The following HIRIP3 variants were observed in gnomAD, a reference collection of about 807,000 sequenced individuals.
HIRIP3 encodes the protein HIRA-interacting protein 3.
Under a neutral mutation model 50.3 loss-of-function variants are expected in HIRIP3, and 40 were observed. The ratio of observed to expected loss-of-function variants is 0.79; its 90% CI spans 0.62 to 1.03. The LOEUF is 1.03. HIRIP3 is among the 50% of genes least tolerant of loss of function. The pLI is 0.00. For missense variants in HIRIP3, 765 were observed against 705.4 expected, an observed-to-expected ratio of 1.08 and a Z score of -0.96; for synonymous variants, 318 against 261.6, an observed-to-expected ratio of 1.22 and a Z score of -2.08.
Position 29,994,860 on chromosome 16 carries a change from A to C in HIRIP3, c.302-17T>G. 1 of 1,584,934 alleles carries C rather than the reference A, an allele frequency of 6.3e-7. No individual in the cohort carries two copies. Among genetic ancestry groups the C allele is most frequent in the Non-Finnish European group, 8.6e-7 (1 of 1,166,104 alleles). On this transcript the variant is annotated splice_polypyrimidine_tract_variant and intron_variant, in intron 3 of 6. Coordinates refer to ENST00000279392, the MANE Select transcript of HIRIP3 (RefSeq NM_003609.5). ...AGCCGGACTCTGGAATATGGAGAGG[A>C]GAGAGGGTTGAGACAGGCTCCTCCT...
chr16:29,993,271 C>T lies in HIRIP3; in HGVS notation c.1607G>A (p.Arg536His), dbSNP rs753509320. The T allele has an allele frequency of 9.0e-6, 14 of 1,553,842 alleles. No homozygotes were observed. The highest frequency in any genetic ancestry group is 2.8e-5 in the African/African-American group (2 of 72,716). Residue 536 changes from arginine to histidine, a missense_variant, in exon 7 of 7, where the codon CGT becomes CAT. Physicochemically the swap from Arg to His is conservative, Grantham distance 29. Coordinates refer to ENST00000279392, the MANE Select transcript of HIRIP3 (RefSeq NM_003609.5). ...ATGTGACCAGTCTGGGGGTGCGGGACGGGGCCGCTCTTCATCTGAGTCCAG... is the reference window on the plus strand; with the variant it reads ...ATGTGACCAGTCTGGGGGTGCGGGATGGGGCCGCTCTTCATCTGAGTCCAG... ...RTLDSDEERPRPAPPDWSHMR... is the reference protein window; with the variant it reads ...RTLDSDEERPHPAPPDWSHMR...
chr16:29,995,992 T>A, upstream of HIRIP3: 1 of 565,842 alleles, frequency 1.8e-6, no homozygotes, highest in Non-Finnish European at 3.2e-6. Context: ...ATGAGGAACC[T>A]CGGGGATAAA....
rs150030843 is a variant in HIRIP3 at position 29,993,498 on chromosome 16, C to T, written c.1468G>A (p.Val490Met). The change falls in exon 6 of 7, where the codon GTG becomes ATG. Residue 490 changes from valine (V) to methionine (M), a missense_variant. Coordinates refer to ENST00000279392, the MANE Select transcript of HIRIP3 (RefSeq NM_003609.5). ...ATGTTCGCAACATCCAAGGAGGCCA[C>T]CTCAGCTGCCTCCTCCCTCTGCTCC... ...LKEQREEAAE[V>M]ASLDVANIIS... The T allele has an allele frequency of 2.8e-3, 4,497 of 1,613,906 alleles. 30 individuals are homozygous for T. Among genetic ancestry groups the T allele is most frequent in the South Asian group, 8.9e-3 (814 of 91,078 alleles).
rs1426949032 is a variant in HIRIP3, at chr16:29,992,805, A to C, written c.*402T>G. ...AGGGGCCACGGGGTAGGCGGGCAGC[A>C]CAGGAGCCACACACCCTTCTCCAAA... On this transcript the variant is annotated 3_prime_UTR_variant, in exon 7 of 7. Transcript: ENST00000279392. The C allele has an allele frequency of 6.1e-6, 1 of 164,862 alleles. No homozygotes were observed. Among genetic ancestry groups the C allele is most frequent in the Non-Finnish European group, 1.3e-5 (1 of 76,748 alleles). The allele number at this position is 164,862 out of a possible 1,614,324, so 10.2% of individuals were successfully genotyped here. A position where few individuals can be genotyped will look rare whatever the true frequency, so the allele number is the denominator to read the frequency against.
At chr16:29,996,032 A>G, upstream of HIRIP3, 2 of 586,746 alleles carry the variant, frequency 3.4e-6, no homozygotes, top group Non-Finnish European at 6.1e-6. Flanking sequence ...GTCTAAGTAC[A>G]TTAGAGTCAG....
At chr16:29,993,880 G>GGCC (rs780049768) in intron 4 of HIRIP3, 26 bp downstream of exon 4, 303 of 1,594,036 alleles carry the variant, frequency 1.9e-4, no homozygotes, top group Non-Finnish European at 3.9e-5. Context: ...CCCTAATAGT[G>GGCC]GCCTCCCACC....
upstream of HIRIP3, chr16:29,995,765 G>C: frequency 1.2e-6 from 1 of 822,824 alleles, no homozygotes; most frequent in South Asian, 1.7e-5. Context: ...TTTGCCAGAC[G>C]AGACTTGTTT....
At position 29,993,460 on chromosome 16, in the gene HIRIP3, C is replaced by T. The variant is rs1391456677; in HGVS notation, c.1506G>A (p.Ser502=). The T allele has an allele frequency of 6.8e-6, 11 of 1,611,608 alleles. No individual in the cohort carries two copies. The highest frequency in any genetic ancestry group is 2.7e-5 in the African/African-American group (2 of 74,830). ...SLDVANIISG[S]GRPRRRTAWN... Reference sequence around the variant, plus strand: ...GGGCAGTGAGAGGAAACCCCTTACCCGAGCCACTGATGATGTTCGCAACAT... The same window carrying T: ...GGGCAGTGAGAGGAAACCCCTTACCTGAGCCACTGATGATGTTCGCAACAT... The change falls in exon 6 of 7, where the codon TCG becomes TCA. Residue 502 remains serine, a splice_region_variant and synonymous_variant. Coordinates refer to ENST00000279392, the MANE Select transcript of HIRIP3 (RefSeq NM_003609.5).
At position 29,994,673 on chromosome 16, in the gene HIRIP3, C is replaced by T. The variant is rs1395553865; in HGVS notation, c.472G>A (p.Glu158Lys). 1 of 1,614,178 alleles carries T rather than the reference C, an allele frequency of 6.2e-7. No homozygotes were observed. The highest frequency in any genetic ancestry group is 8.5e-7 in the Non-Finnish European group (1 of 1,180,034). The change falls in exon 4 of 7, where the codon GAG becomes AAG. Residue 158 changes from glutamate (E) to lysine (K), a missense_variant. Coordinates refer to ENST00000279392, the MANE Select transcript of HIRIP3 (RefSeq NM_003609.5). ...CCCTTTTCCTCCTCCTCACTGCTCT[C>T]CTCTCCCCTCTGTGCGGGCAGGTCC... ...QRDLPAQRGE[E>K]SSEEEEKGYK...
rs897993578 is a variant in HIRIP3, at chr16:29,992,854, C to G, written c.*353G>C. On this transcript the variant is annotated 3_prime_UTR_variant, in exon 7 of 7. Coordinates refer to ENST00000279392, the MANE Select transcript of HIRIP3 (RefSeq NM_003609.5). ...AAAGGGTCTGGTGGCTGTTGGATGA[C>G]AGGGTCTGGAGGCAGGGACTTCTTC... is the stretch of plus-strand genomic sequence containing the variant. 12 of 186,116 alleles carry G rather than the reference C, an allele frequency of 6.4e-5. No individual in the cohort carries two copies. The highest frequency in any genetic ancestry group is 2.8e-4 in the African/African-American group (12 of 42,658). 11.5% of individuals were successfully genotyped at this position (186,116 alleles called of 1,614,324 possible). A position where few individuals can be genotyped will look rare whatever the true frequency, so the allele number is the denominator to read the frequency against.
chr16:29,995,016 G>T (rs2150915644), intron 3 of HIRIP3, 87 bp downstream of exon 3: 1 of 1,495,204 alleles, frequency 6.7e-7, no homozygotes, highest in Non-Finnish European at 9.3e-7. Context: ...CTCATCTAAC[G>T]CCTGGGGACA....
rs758010643 is a variant in HIRIP3, at chr16:29,995,362, T to C, written c.167A>G (p.Glu56Gly). The change falls in exon 2 of 7, where the codon GAG becomes GGG. Residue 56 changes from glutamate to glycine, a missense_variant. Glu to Gly is a moderately conservative substitution (Grantham distance 98). Transcript: ENST00000279392. The part of the protein sequence containing the change: ...EKQALKRLVE[E>G]ELLKMQVDEA... ...GCACACCTGCATCTTCAGCAGCTCC[T>C]CCTCCACCAGCCGCTTCAGTGCCTG... 4.3e-6 allele frequency: 7 copies of C among 1,611,914 alleles called. No individual in the cohort carries two copies. The highest frequency in any genetic ancestry group is 5.9e-6 in the Non-Finnish European group (7 of 1,179,356).
chr16:29,994,279 G>A lies in HIRIP3; in HGVS notation c.866C>T (p.Ser289Leu), dbSNP rs1026828525. 1 of 1,614,142 alleles carries A rather than the reference G, an allele frequency of 6.2e-7. No homozygotes were observed. The highest frequency in any genetic ancestry group is 2.2e-5 in the East Asian group (1 of 44,880). Reference sequence around the variant, plus strand: ...CTCTTTCTGCTCTTCCTCGCTGTCTGAGTCTCCCAAGAGCCTCTTTGCCTG... The same window carrying A: ...CTCTTTCTGCTCTTCCTCGCTGTCTAAGTCTCCCAAGAGCCTCTTTGCCTG... Reference protein sequence around the residue: ...KSQAKRLLGDSDSEEEQKEAA... With the variant: ...KSQAKRLLGDLDSEEEQKEAA... Residue 289 changes from serine (S) to leucine (L), a missense_variant, in exon 4 of 7, where the codon TCA becomes TTA. Physicochemically the swap from Ser to Leu is moderately radical, Grantham distance 145. Coordinates refer to ENST00000279392, the MANE Select transcript of HIRIP3 (RefSeq NM_003609.5).
rs199791673 is a variant in HIRIP3, at chr16:29,993,177, A to G, written c.*30T>C. 146 of 1,561,674 alleles carry G rather than the reference A, an allele frequency of 9.3e-5. No individual in the cohort carries two copies. Among genetic ancestry groups the G allele is most frequent in the Non-Finnish European group, 1.2e-4 (143 of 1,154,666 alleles). ...GGTGCTATGTATGCTTTGTACATGT[A>G]TCAAGGGTCCCTCCTGGGGGTGGCA... On this transcript the variant is annotated 3_prime_UTR_variant, in exon 7 of 7. Transcript: ENST00000279392.
At position 29,994,856 on chromosome 16, in the gene HIRIP3, G is replaced by C. The variant is rs1182388142; in HGVS notation, c.302-13C>G. Reference sequence around the variant, plus strand: ...TCAGAGCCGGACTCTGGAATATGGAGAGGAGAGAGGGTTGAGACAGGCTCC... The same window carrying C: ...TCAGAGCCGGACTCTGGAATATGGACAGGAGAGAGGGTTGAGACAGGCTCC... On this transcript the variant is annotated splice_polypyrimidine_tract_variant and intron_variant, in intron 3 of 6. Coordinates refer to ENST00000279392, the MANE Select transcript of HIRIP3 (RefSeq NM_003609.5). 2 of 1,587,568 alleles carry C rather than the reference G, an allele frequency of 1.3e-6. No individual in the cohort carries two copies. Among genetic ancestry groups the C allele is most frequent in the Non-Finnish European group, 1.7e-6 (2 of 1,167,500 alleles).
upstream of HIRIP3, chr16:29,995,928 G>A (rs2150917489): frequency 3.5e-6 from 2 of 569,786 alleles, no homozygotes; most frequent in East Asian, 6.0e-5. Context: ...ACGGGCAACA[G>A]CTAGGCTGCT....
rs773678589 is a variant in HIRIP3, at chr16:29,995,609, G to A, written c.-4C>T. ...GCATCTCCTTCTCCCGCGCCATTTT[G>A]CTCAACCCGGGATTGACGGCTCCCG... On this transcript the variant is annotated 5_prime_UTR_variant, in exon 1 of 7. Coordinates refer to ENST00000279392, the MANE Select transcript of HIRIP3 (RefSeq NM_003609.5). 6.2e-7 allele frequency: 1 copy of A among 1,612,118 alleles called. No homozygotes were observed. Among genetic ancestry groups the A allele is most frequent in the Non-Finnish European group, 8.5e-7 (1 of 1,179,960 alleles).
In HIRIP3 at chr16:29,993,563, G is replaced by A; in HGVS notation, c.1409-6C>T. On this transcript the variant is annotated splice_polypyrimidine_tract_variant and splice_region_variant and intron_variant, in intron 5 of 6. Transcript: ENST00000279392. ...CTTCCCTAGGGAAGGGGTACCTGGG[G>A]CAGAAGAAGCTGGTGATTCTCTCCT... is the stretch of plus-strand genomic sequence containing the variant. The A allele has an allele frequency of 6.2e-7, 1 of 1,613,030 alleles. No individual in the cohort carries two copies.
At chr16:29,995,067 T>C in intron 3 of HIRIP3, 36 bp downstream of exon 3, 3 of 1,591,626 alleles carry the variant, frequency 1.9e-6, no homozygotes, top group Non-Finnish European at 2.6e-6. Context: ...GAACCAACGA[T>C]GCAGAAGGCC....
Sources: gnomAD v4.1 joint callset for allele counts on GRCh38, gnomAD v4.1.1 for gene constraint, MANE v1.5 for transcripts, NCBI Gene and HGNC (gene_info 2026-07-23, HGNC 2026-07-21) for gene names.